The following ACACB variants were observed in gnomAD, a reference collection of about 807,000 sequenced individuals.
ACACB encodes acetyl-CoA carboxylase 2.
Under a neutral mutation model 278.8 loss-of-function variants are expected in ACACB, and 209 were observed. The ratio of observed to expected loss-of-function variants is 0.75; its 90% CI spans 0.67 to 0.84. The LOEUF (loss-of-function observed/expected upper bound fraction) is 0.84. ACACB is among the 40% of genes least tolerant of loss of function. ACACB has a pLI of 0.00. For missense variants in ACACB, 2,850 were observed against 3,269.0 expected (o/e 0.87, Z 3.13); for synonymous variants, 1,174 against 1,285.6 (o/e 0.91, Z 1.86).
intron 24 of ACACB, among the ~76,000 whole-genome samples, chr12:109,218,626 G>A (rs572131276): frequency 4.2e-4 from 64 of 151,254 alleles, no homozygotes; most frequent in African/African-American, 1.5e-3. Context: ...ACTTGGACTT[G>A]GCTTATAGTA....
chr12:109,120,279 G>T (rs977004722), intron 1 of ACACB, among the ~76,000 whole-genome samples: 1 of 152,176 alleles, frequency 6.6e-6, no homozygotes. Flanking sequence ...TTTACAGCAG[G>T]ACTTCTCAGA....
chr12:109,176,129 G>A, intron 8 of ACACB, 24 bp from the exon 9 acceptor site: 4 of 1,613,594 alleles, frequency 2.5e-6, no homozygotes, highest in Non-Finnish European at 3.4e-6. Flanking sequence ...CCTCTAAAGA[G>A]GTCTGTTTGT....
chr12:109,172,091 T>TA (rs1403649104), intron 5 of ACACB, among the ~76,000 whole-genome samples, 177 bp downstream of exon 5: 2 of 152,120 alleles, frequency 1.3e-5, no homozygotes, highest in African/African-American at 2.4e-5. Flanking sequence ...ATTCTGTTTT[T>TA]AAAAAAAAAT....
Position 109,227,493 on chromosome 12 carries a change from T to G in ACACB, c.4001+4T>G. 1 of 1,613,242 alleles carries G rather than the reference T, an allele frequency of 6.2e-7. No homozygotes were observed. On this transcript the variant is annotated splice_donor_region_variant and intron_variant, in intron 28 of 52. Transcript: ENST00000338432. ...TGCCGTCCTCCCACCCAAACCGGTA[T>G]GGAGTGGGACACACCCAGGGACGGC...
At chr12:109,116,182 C>T (rs574460617), upstream of ACACB, among the ~76,000 whole-genome samples, 2 of 152,186 alleles carry the variant, frequency 1.3e-5, no homozygotes, top group Non-Finnish European at 2.9e-5. Context: ...GAGAGGGTTT[C>T]GCCAAATCTT....
intron 15 of ACACB, 66 bp from the exon 16 acceptor site, chr12:109,193,582 G>T: frequency 2.3e-6 from 3 of 1,310,448 alleles, no homozygotes; most frequent in Non-Finnish European, 3.3e-6. Context: ...TTTTTTAAAT[G>T]CAAGGGATGG....
intron 52 of ACACB, among the ~76,000 whole-genome samples, chr12:109,265,929 C>A (rs1423461275): frequency 6.6e-6 from 1 of 152,250 alleles, no homozygotes; most frequent in Non-Finnish European, 1.5e-5. Context: ...CATGGGGTCA[C>A]CCCGTGAAGG....
chr12:109,125,476 C>T (rs1593357334), intron 1 of ACACB: 1 of 152,212 alleles, frequency 6.6e-6, no homozygotes, highest in East Asian at 1.9e-4. Flanking sequence ...ACAAGATCGC[C>T]TTGGCTTCTC....
intron 15 of ACACB, among the ~76,000 whole-genome samples, chr12:109,193,057 A>G (rs2044952101): frequency 2.0e-5 from 3 of 152,280 alleles, no homozygotes; most frequent in South Asian, 4.1e-4. Context: ...GCAGGATCCC[A>G]TATGTGAAAT....
chr12:109,181,997 C>T (rs7969465), intron 11 of ACACB, among the ~76,000 whole-genome samples: 8,585 of 151,880 alleles, frequency 0.057, 816 homozygotes, highest in African/African-American at 0.2. Flanking sequence ...GCGTGTGCCA[C>T]GACGCCCAGC....
chr12:109,219,759 A>G (rs12302530), intron 24 of ACACB, among the ~76,000 whole-genome samples: 3 of 152,324 alleles, frequency 2.0e-5, no homozygotes, highest in Admixed American at 6.5e-5. Context: ...CTAGGTGATT[A>G]CTATGGGTTT....
chr12:109,128,752 CTTT>C (rs202074411), intron 1 of ACACB, among the ~76,000 whole-genome samples: 2 of 139,382 alleles, frequency 1.4e-5, no homozygotes, highest in Admixed American at 1.4e-4. Flanking sequence ...TTGTTGCTTT[CTTT>C]TTTTTTTTTT....
At chr12:109,161,921 G>A (rs1166865604) in intron 2 of ACACB, among the ~76,000 whole-genome samples, 1 of 151,186 alleles carries the variant, frequency 6.6e-6, no homozygotes, top group African/African-American at 2.4e-5. Context: ...TCAGGGGTCT[G>A]TCTACAAATG....
At chr12:109,265,305 C>G in intron 51 of ACACB, 25 bp downstream of exon 51, 1 of 1,611,668 alleles carries the variant, frequency 6.2e-7, no homozygotes, top group Non-Finnish European at 8.5e-7. Flanking sequence ...AGAACGAGGC[C>G]GGTGAGCACA....
At chr12:109,234,164 G>A (rs754663343) in intron 31 of ACACB, 119 bp downstream of exon 31, 27 of 820,738 alleles carry the variant, frequency 3.3e-5, no homozygotes, top group Non-Finnish European at 4.8e-5. Context: ...CACAGACCTG[G>A]CTTCCCACTC....
At chr12:109,118,880 G>C (rs2135930267) in intron 1 of ACACB, among the ~76,000 whole-genome samples, 1 of 152,298 alleles carries the variant, frequency 6.6e-6, no homozygotes, top group Middle Eastern at 3.4e-3. Context: ...AGATCTCTCT[G>C]TTTGCAGTGA....
At position 109,209,473 on chromosome 12, in the gene ACACB, A is replaced by G. The variant is rs986567201; in HGVS notation, c.3249+120A>G. Reference sequence around the variant, plus strand: ...CTCCTTGAGACCCACTTATAGCCTAACATATCAGGGGCCGAGGGTTTCCTT... The same window carrying G: ...CTCCTTGAGACCCACTTATAGCCTAGCATATCAGGGGCCGAGGGTTTCCTT... On this transcript the variant is annotated intron_variant, in intron 21 of 52. Transcript: ENST00000338432. The G allele has an allele frequency of 5.9e-6, 6 of 1,020,992 alleles. No homozygotes were observed. In the Admixed American group the frequency reaches 1.6e-4, roughly 28 times the overall value. 63.2% of individuals were successfully genotyped at this position (1,020,992 alleles called of 1,614,324 possible).
rs532831199 is a variant in ACACB, at chr12:109,174,199, A to G, written c.1185A>G (p.Leu395=). The change falls in exon 7 of 53, where the codon CTA becomes CTG. Residue 395 remains leucine, a synonymous_variant. Transcript: ENST00000338432. ...KIASTVVAQT[L]QVPTLPWSGS... is the part of the protein sequence containing the mutation. ...CCTCCACCGTTGTCGCCCAGACGCT[A>G]CAGGTCCCAACCCTGCCCTGGAGTG... 248 of 1,613,044 alleles carry G rather than the reference A, an allele frequency of 1.5e-4. 1 individual carries two copies. The South Asian group carries it at 2.5e-3, about 16-fold the overall frequency.
At chr12:109,206,493 A>T (rs2045518103) in intron 19 of ACACB, among the ~76,000 whole-genome samples, 1 of 150,412 alleles carries the variant, frequency 6.6e-6, no homozygotes, top group African/African-American at 2.5e-5. Context: ...GAAACTGTGT[A>T]CTGGGCCATT....
Sources: gnomAD v4.1 joint callset for allele counts (sites outside exome capture counted in the v4.1 genomes callset) on GRCh38, gnomAD v4.1.1 for gene constraint, MANE v1.5 for transcripts, NCBI Gene and HGNC (gene_info 2026-07-23, HGNC 2026-07-21) for gene names.